Variants in PRMT7 observed in about 807,000 individuals in gnomAD.
PRMT7 encodes protein arginine N-methyltransferase 7.
Under a neutral mutation model 85.4 loss-of-function variants are expected in PRMT7, and 75 were observed. That is an observed-to-expected ratio of 0.88 (90% CI 0.73 to 1.06). PRMT7 has a LOEUF of 1.06. Among genes scored for constraint, PRMT7 ranks in the 50% least tolerant of loss-of-function variants. The pLI is 0.00. For missense variants in PRMT7, 868 were observed against 915.2 expected (o/e 0.95, Z 0.67); for synonymous variants, 397 against 359.5 (o/e 1.10, Z -1.18).
In PRMT7 at chr16:68,348,323, T is replaced by G; in HGVS notation, c.1324-19T>G. ...ATACTTTAGTATGAATACAGTAATT[T>G]TACGGTTTTCTTTCTAAGATCTTCA... On this transcript the variant is annotated intron_variant, in intron 13 of 18. Transcript: ENST00000441236. The G allele has an allele frequency of 6.4e-7, 1 of 1,552,716 alleles. No individual in the cohort carries two copies. Among genetic ancestry groups the G allele is most frequent in the Non-Finnish European group, 8.9e-7 (1 of 1,125,968 alleles).
chr16:68,311,146 G>C (rs916559083), intron 1 of PRMT7, 47 bp downstream of exon 1: 4 of 653,338 alleles, frequency 6.1e-6, no homozygotes, highest in African/African-American at 3.6e-5. Flanking sequence ...TTGGGGTTCT[G>C]TGTGCAGCGA....
In PRMT7 at chr16:68,335,587, CT is replaced by C. The variant is rs879500343; in HGVS notation, c.392-1860del. Among the ~76,000 whole-genome samples the C allele has an allele frequency of 2.4e-3, 345 of 143,174 alleles. 1 individual carries two copies. The highest frequency in any genetic ancestry group is 8.0e-3 in the South Asian group (36 of 4,502). The allele number at this position is 143,174 out of a possible 152,430, so 93.9% of individuals were successfully genotyped here. ...ACAGGTGAGCTTCATAGGAAGTGTGCTTTTTTTTTTTTATCTTCATCATCCC... is the reference window on the plus strand; with the variant it reads ...ACAGGTGAGCTTCATAGGAAGTGTGCTTTTTTTTTTTATCTTCATCATCCC... On this transcript the variant is annotated intron_variant, in intron 6 of 18. Transcript: ENST00000441236.
At chr16:68,351,788 T>C (rs2087407413) in intron 14 of PRMT7, 2 of 154,480 alleles carry the variant, frequency 1.3e-5, no homozygotes, top group East Asian at 1.9e-4. Context: ...GCTCAGAGCC[T>C]GGGGAGGGAG....
downstream of PRMT7, chr16:68,360,368 C>T (rs908556282): frequency 1.8e-4 from 28 of 151,794 alleles, no homozygotes; most frequent in African/African-American, 6.5e-4. Context: ...AGTGGATACT[C>T]TCTTCTCGGA....
intron 2 of PRMT7, among the ~76,000 whole-genome samples, chr16:68,312,459 A>G (rs1451032313): frequency 6.6e-6 from 1 of 151,990 alleles, no homozygotes; most frequent in African/African-American, 2.4e-5. Flanking sequence ...GCTGGTCTGG[A>G]ACTCCCAGAC....
At chr16:68,341,409 T>A (rs891737587) in intron 9 of PRMT7, among the ~76,000 whole-genome samples, 3 of 152,058 alleles carry the variant, frequency 2.0e-5, no homozygotes, top group Non-Finnish European at 4.4e-5. Flanking sequence ...AGGCTACGGT[T>A]TTTTGTTTGT....
intron 14 of PRMT7, 147 bp downstream of exon 14, chr16:68,348,578 G>A: frequency 1.9e-6 from 1 of 524,680 alleles, no homozygotes; most frequent in South Asian, 3.2e-5. Flanking sequence ...CCACCATCAA[G>A]GGTGTGGTGA....
chr16:68,346,314 A>T (rs748825390), intron 11 of PRMT7, 34 bp downstream of exon 11: 1 of 1,609,798 alleles, frequency 6.2e-7, no homozygotes, highest in African/African-American at 1.3e-5. Context: ...GTTGTGGGGA[A>T]AAGGGAGAAA....
chr16:68,319,255 G>A (rs981389054), intron 3 of PRMT7, among the ~76,000 whole-genome samples: 1 of 152,202 alleles, frequency 6.6e-6, no homozygotes, highest in African/African-American at 2.4e-5. Context: ...GGTGTGGAAT[G>A]TGAAAGGTAG....
chr16:68,324,954 G>C (rs1293519204), intron 5 of PRMT7, 122 bp downstream of exon 5: 3 of 1,315,012 alleles, frequency 2.3e-6, no homozygotes, highest in East Asian at 2.4e-5. Context: ...GCCAAGCACA[G>C]AGCCAGGCTC....
At chr16:68,319,049 T>C (rs2082191194) in intron 3 of PRMT7, 1 of 152,266 alleles carries the variant, frequency 6.6e-6, no homozygotes, top group African/African-American at 2.4e-5. Flanking sequence ...GCACCAAGAC[T>C]TCTGGTTAGA....
intron 17 of PRMT7, 90 bp from the exon 18 acceptor site, chr16:68,356,611 C>G: frequency 2.1e-6 from 2 of 963,524 alleles, no homozygotes; most frequent in Admixed American, 4.2e-5. Context: ...TGGGGAAGAC[C>G]ACAGGTTTCT....
intron 2 of PRMT7, among the ~76,000 whole-genome samples, chr16:68,313,829 G>A (rs1013908934): frequency 6.6e-6 from 1 of 152,212 alleles, no homozygotes; most frequent in African/African-American, 2.4e-5. Context: ...TAGCTACTTG[G>A]GAGGCTGACG....
At chr16:68,324,903 C>T (rs547472756) in intron 5 of PRMT7, 71 bp downstream of exon 5, 71 of 1,578,784 alleles carry the variant, frequency 4.5e-5, no homozygotes, top group African/African-American at 1.2e-4. Flanking sequence ...GCACTTTCCC[C>T]GTCTGTTCCT....
At chr16:68,326,718 C>T (rs1470811975) in intron 5 of PRMT7, among the ~76,000 whole-genome samples, 4 of 152,164 alleles carry the variant, frequency 2.6e-5, no homozygotes, top group African/African-American at 9.7e-5. Context: ...GTCAGTTCCC[C>T]ACGCTGCACC....
At chr16:68,348,541 A>C in intron 14 of PRMT7, 110 bp downstream of exon 14, 1 of 771,434 alleles carries the variant, frequency 1.3e-6, no homozygotes, top group Non-Finnish European at 2.1e-6. Context: ...TGGGTCCTCC[A>C]CATGCAACCT....
chr16:68,319,499 A>G (rs892316650), intron 3 of PRMT7, among the ~76,000 whole-genome samples: 5 of 151,204 alleles, frequency 3.3e-5, no homozygotes, highest in Non-Finnish European at 5.9e-5. Context: ...GGTGAGTGAG[A>G]TGCCTTTTAA....
At chr16:68,335,075 G>A (rs1162649150) in intron 6 of PRMT7, among the ~76,000 whole-genome samples, 1 of 152,212 alleles carries the variant, frequency 6.6e-6, no homozygotes, top group Non-Finnish European at 1.5e-5. Flanking sequence ...GGAATTACAG[G>A]TGTGAGTCAC....
intron 4 of PRMT7, among the ~76,000 whole-genome samples, chr16:68,321,886 A>G (rs1744780289): frequency 6.6e-6 from 1 of 152,102 alleles, no homozygotes; most frequent in Non-Finnish European, 1.5e-5. Flanking sequence ...TATTCATCCT[A>G]TCTGACTGAA....
Sources: gnomAD v4.1 joint callset for allele counts (sites outside exome capture counted in the v4.1 genomes callset) on GRCh38, gnomAD v4.1.1 for gene constraint, MANE v1.5 for transcripts, NCBI Gene and HGNC (gene_info 2026-07-23, HGNC 2026-07-21) for gene names.